PARD3: variants seen among roughly 807,000 people sequenced by gnomAD.
PARD3 encodes the protein partitioning defective 3 homolog.
In PARD3, 75 loss-of-function variants were observed where a neutral mutation model predicts 155.4. The ratio of observed to expected loss-of-function variants is 0.48; its 90% CI spans 0.40 to 0.58. PARD3 has a LOEUF of 0.58. Among genes scored for constraint, PARD3 ranks in the 20% least tolerant of loss-of-function variants. The pLI is 0.00. For missense variants in PARD3, 1,642 were observed against 1,721.7 expected, an observed-to-expected ratio of 0.95 and a Z score of 0.82; for synonymous variants, 576 against 610.5, an observed-to-expected ratio of 0.94 and a Z score of 0.83.
intron 12 of PARD3, among the ~76,000 whole-genome samples, chr10:34,372,225 C>CAACT (rs1163396404): frequency 1.3e-5 from 2 of 152,006 alleles, no homozygotes; most frequent in African/African-American, 4.8e-5. Context: ...ATATGCCAAA[C>CAACT]AACTAAGCTT....
chr10:34,736,658 ATTT>A (rs61598851), intron 1 of PARD3, among the ~76,000 whole-genome samples: 2,905 of 80,654 alleles, frequency 0.036, 32 homozygotes, highest in Middle Eastern at 0.06. Context: ...TAATTAATTT[ATTT>A]ATTTATTTAT....
chr10:34,347,957 T>A lies in PARD3; in HGVS notation c.2218+8A>T, dbSNP rs151323722. On this transcript the variant is annotated splice_region_variant and intron_variant, in intron 15 of 24. Coordinates refer to ENST00000374788, the MANE Select transcript of PARD3 (RefSeq NM_001184785.2). Reference sequence around the variant, plus strand: ...AAGATGTGATAAACAGAGTTTTACCTGACTCACCCATTATCCTACTGAGGG... The same window carrying A: ...AAGATGTGATAAACAGAGTTTTACCAGACTCACCCATTATCCTACTGAGGG... 14 of 1,605,926 alleles carry A rather than the reference T, an allele frequency of 8.7e-6. No individual in the cohort carries two copies. The highest frequency in any genetic ancestry group is 1.0e-5 in the Non-Finnish European group (12 of 1,175,948).
chr10:34,726,838 T>C (rs1279076805), intron 1 of PARD3, among the ~76,000 whole-genome samples: 1 of 152,066 alleles, frequency 6.6e-6, no homozygotes, highest in East Asian at 1.9e-4. Flanking sequence ...CAGCATTACA[T>C]CTTTATACTT....
At chr10:34,619,492 T>C (rs2091483207) in intron 2 of PARD3, among the ~76,000 whole-genome samples, 1 of 152,222 alleles carries the variant, frequency 6.6e-6, no homozygotes, top group Admixed American at 6.5e-5. Flanking sequence ...AATAAATAGC[T>C]TAAATATCCT....
At chr10:34,652,596 C>T (rs899517930) in intron 2 of PARD3, among the ~76,000 whole-genome samples, 2 of 152,110 alleles carry the variant, frequency 1.3e-5, no homozygotes, top group Non-Finnish European at 1.5e-5. Context: ...ACGGATGGAT[C>T]GGCCTCACAT....
intron 2 of PARD3, among the ~76,000 whole-genome samples, chr10:34,611,856 C>A (rs913108523): frequency 7.5e-6 from 1 of 133,048 alleles, no homozygotes; most frequent in Non-Finnish European, 1.5e-5. Flanking sequence ...GTCGCCCAGG[C>A]TGGAGTGCAG....
At chr10:34,238,741 C>T (rs899716107) in intron 22 of PARD3, among the ~76,000 whole-genome samples, 15 of 152,286 alleles carry the variant, frequency 9.8e-5, no homozygotes, top group East Asian at 3.9e-4. Flanking sequence ...AGGAATACGT[C>T]TCTCTTCTAA....
intron 3 of PARD3, among the ~76,000 whole-genome samples, chr10:34,470,852 A>C (rs1235044682): frequency 1.3e-5 from 2 of 152,208 alleles, no homozygotes; most frequent in Non-Finnish European, 2.9e-5. Flanking sequence ...TGTATATTTC[A>C]AAGTAGCTAG....
In PARD3 at chr10:34,110,452, G is replaced by A. The variant is rs1946339695; in HGVS notation, c.*717C>T. 6.6e-6 allele frequency: 1 copy of A among 152,222 alleles called. No homozygotes were observed. Among genetic ancestry groups the A allele is most frequent in the Non-Finnish European group, 1.5e-5 (1 of 68,078 alleles). 9.4% of individuals were successfully genotyped at this position (152,222 alleles called of 1,614,324 possible). A position where few individuals can be genotyped will look rare whatever the true frequency, so the allele number is the denominator to read the frequency against. ...CCCACGTTCCCCACACAGAGCTGTG[G>A]TGACTCAACCCACGTGTCAGGAACA... On this transcript the variant is annotated 3_prime_UTR_variant, in exon 25 of 25. Coordinates refer to ENST00000374788, the MANE Select transcript of PARD3 (RefSeq NM_001184785.2).
chr10:34,631,963 C>T (rs141747105), intron 2 of PARD3, among the ~76,000 whole-genome samples: 45 of 152,286 alleles, frequency 3.0e-4, no homozygotes, highest in African/African-American at 1.1e-3. Flanking sequence ...ATTTTTAGGT[C>T]TCTCGTATTG....
chr10:34,541,245 A>G (rs2083592629), intron 2 of PARD3, among the ~76,000 whole-genome samples: 2 of 152,228 alleles, frequency 1.3e-5, no homozygotes, highest in Non-Finnish European at 2.9e-5. Context: ...TATTTCACAC[A>G]TGGTATTTGT....
intron 1 of PARD3, among the ~76,000 whole-genome samples, chr10:34,734,905 A>G (rs1466126276): frequency 6.6e-6 from 1 of 152,178 alleles, no homozygotes; most frequent in Admixed American, 6.5e-5. Flanking sequence ...GCCATTTTAA[A>G]AAGTTAAACA....
In PARD3 at chr10:34,206,907, G is replaced by A. The variant is rs552804532; in HGVS notation, c.3419+62750C>T. ...TCACCTCCTACCTCACTACTAGATC[G>A]AGGTCTTGTCCCATACAGCCAGAGA... On this transcript the variant is annotated intron_variant, in intron 22 of 24. Transcript: ENST00000374788. Among the ~76,000 whole-genome samples the A allele has an allele frequency of 8.5e-4, 129 of 152,104 alleles. 1 individual carries two copies. Among genetic ancestry groups the A allele is most frequent in the Admixed American group, 1.4e-3 (22 of 15,278 alleles).
intron 20 of PARD3, among the ~76,000 whole-genome samples, chr10:34,296,693 A>C (rs1956927321): frequency 6.6e-6 from 1 of 152,250 alleles, no homozygotes; most frequent in Non-Finnish European, 1.5e-5. Flanking sequence ...ACAGAGTAAC[A>C]ATCAGTACAT....
chr10:34,450,558 A>T (rs1433533365), intron 4 of PARD3, 110 bp from the exon 5 acceptor site: 5 of 995,938 alleles, frequency 5.0e-6, no homozygotes, highest in Non-Finnish European at 7.3e-6. Flanking sequence ...TATTTAAAAC[A>T]TCTTTCCAAT....
chr10:34,616,232 GT>G (rs1370052264), intron 2 of PARD3, among the ~76,000 whole-genome samples: 1 of 151,990 alleles, frequency 6.6e-6, no homozygotes, highest in Non-Finnish European at 1.5e-5. Flanking sequence ...CACAAGAATT[GT>G]TTGAACCCAG....
At chr10:34,733,171 T>G (rs1469717055) in intron 1 of PARD3, among the ~76,000 whole-genome samples, 2 of 152,226 alleles carry the variant, frequency 1.3e-5, no homozygotes, top group Non-Finnish European at 2.9e-5. Context: ...CTACTTACAC[T>G]TTATACCAAA....
intron 2 of PARD3, among the ~76,000 whole-genome samples, chr10:34,538,601 G>C (rs2083380118): frequency 6.6e-6 from 1 of 152,224 alleles, no homozygotes; most frequent in Admixed American, 6.5e-5. Flanking sequence ...TCAAGTATGT[G>C]CTCGGGGGCT....
intron 24 of PARD3, among the ~76,000 whole-genome samples, 163 bp from the exon 25 acceptor site, chr10:34,111,725 T>A (rs1250273475): frequency 1.3e-5 from 2 of 152,168 alleles, no homozygotes; most frequent in African/African-American, 4.8e-5. Flanking sequence ...AATTCAAAAA[T>A]GACTGTCCTC....
Sources: allele counts gnomAD v4.1 joint callset (sites outside exome capture counted in the v4.1 genomes callset), GRCh38; gene constraint gnomAD v4.1.1; transcripts MANE v1.5; gene names NCBI Gene and HGNC (gene_info 2026-07-23, HGNC 2026-07-21).